The following STRADA variants were observed in gnomAD, a reference collection of about 807,000 sequenced individuals.
The protein encoded by STRADA is STE20-related kinase adapter protein alpha.
In STRADA, 26 loss-of-function variants were observed where a neutral mutation model predicts 55.0. That is an observed-to-expected ratio of 0.47 (90% CI 0.35 to 0.66). The LOEUF (loss-of-function observed/expected upper bound fraction) is 0.66, where lower values mean the gene tolerates loss of function less well. STRADA is among the 30% of genes least tolerant of loss of function. STRADA has a pLI of 0.01. For missense variants in STRADA, 443 were observed against 549.7 expected (o/e 0.81, Z 1.94); for synonymous variants, 197 against 210.9 (o/e 0.93, Z 0.57).
intron 1 of STRADA, among the ~76,000 whole-genome samples, chr17:63,735,582 C>T (rs2038363855): frequency 6.6e-6 from 1 of 152,150 alleles, no homozygotes; most frequent in South Asian, 2.1e-4. Context: ...TAGAATCTCA[C>T]CTCTCTCCCA....
At position 63,731,485 on chromosome 17, in the gene STRADA, C is replaced by T. The variant is rs142372019; in HGVS notation, c.-44-3072G>A. On this transcript the variant is annotated intron_variant, in intron 1 of 12. Coordinates refer to ENST00000336174, the MANE Select transcript of STRADA (RefSeq NM_001003787.4). The stretch of plus-strand genomic sequence containing the variant: ...TTCACCATGTTGGCCAAGATGATCT[C>T]GATCTCCTGACCTCGTGATCCGTCC... Among the ~76,000 whole-genome samples, 1,123 of 151,702 alleles carry T rather than the reference C, an allele frequency of 7.4e-3. 16 individuals carry two copies. Among genetic ancestry groups the T allele is most frequent in the African/African-American group, 0.025 (1,020 of 41,338 alleles).
intron 11 of STRADA, 96 bp downstream of exon 11, chr17:63,704,245 C>T: frequency 3.2e-6 from 5 of 1,562,286 alleles, no homozygotes; most frequent in Non-Finnish European, 4.3e-6. Flanking sequence ...GATTCCCCTG[C>T]AGAACCTTTG....
At chr17:63,737,760 A>G (rs996060355) in intron 1 of STRADA, among the ~76,000 whole-genome samples, 16 of 152,318 alleles carry the variant, frequency 1.1e-4, no homozygotes, top group African/African-American at 3.8e-4. Context: ...CTGTGTTCCC[A>G]GCACTTTGGG....
chr17:63,741,151 T>C (rs969172542), intron 1 of STRADA: 1 of 152,130 alleles, frequency 6.6e-6, no homozygotes, highest in African/African-American at 2.4e-5. Flanking sequence ...CTGAGAACTA[T>C]GAACAATTTT....
Position 63,740,135 on chromosome 17 carries a change from CATATATATAT to C in STRADA, c.-45+1596_-45+1605del, listed in dbSNP as rs1228869564. ...ATACATACATATATATATACACATACATATATATATATACACACACACACACACACACACA... is the reference window on the plus strand; with the variant it reads ...ATACATACATATATATATACACATACATACACACACACACACACACACACA... On this transcript the variant is annotated intron_variant, in intron 1 of 12. Coordinates refer to ENST00000336174, the MANE Select transcript of STRADA (RefSeq NM_001003787.4). Among the ~76,000 whole-genome samples, 108 of 54,222 alleles carry C rather than the reference CATATATATAT, an allele frequency of 2.0e-3. 2 individuals carry two copies. The highest frequency in any genetic ancestry group is 7.6e-3 in the African/African-American group (95 of 12,504). 35.6% of individuals were successfully genotyped at this position (54,222 alleles called of 152,430 possible). A position where few individuals can be genotyped will look rare whatever the true frequency, so the allele number is the denominator to read the frequency against.
At chr17:63,739,374 T>A (rs977499217) in intron 1 of STRADA, among the ~76,000 whole-genome samples, 11 of 152,158 alleles carry the variant, frequency 7.2e-5, no homozygotes, top group Admixed American at 5.2e-4. Context: ...TATTTTCAGA[T>A]TGAATCATGT....
chr17:63,735,911 A>G (rs1043601146), intron 1 of STRADA, among the ~76,000 whole-genome samples: 2 of 152,122 alleles, frequency 1.3e-5, no homozygotes, highest in Admixed American at 1.3e-4. Context: ...TCTTAAATCC[A>G]CAGAGCTCCC....
At chr17:63,738,566 AAATT>A (rs1358691361) in intron 1 of STRADA, among the ~76,000 whole-genome samples, 2 of 152,072 alleles carry the variant, frequency 1.3e-5, no homozygotes, top group African/African-American at 2.4e-5. Context: ...AAAAATGATT[AAATT>A]AATTGAGGCC....
At chr17:63,713,829 G>C (rs1278200748) in intron 5 of STRADA, among the ~76,000 whole-genome samples, 177 bp downstream of exon 5, 2 of 152,074 alleles carry the variant, frequency 1.3e-5, no homozygotes, top group Non-Finnish European at 2.9e-5. Flanking sequence ...CTGGAAGTTT[G>C]ATCTCTTCCC....
intron 1 of STRADA, among the ~76,000 whole-genome samples, chr17:63,729,551 G>A (rs1355235428): frequency 1.3e-5 from 2 of 152,118 alleles, no homozygotes; most frequent in African/African-American, 2.4e-5. Context: ...TTGGGAGGCT[G>A]AGGTGGGTGG....
chr17:63,707,067 C>T lies in STRADA; in HGVS notation c.753+180G>A, dbSNP rs183083135. 5.6e-3 allele frequency among the ~76,000 whole-genome samples: 847 copies of T among 152,274 alleles called. 7 individuals are homozygous for T. The highest frequency in any genetic ancestry group is 0.019 in the African/African-American group (798 of 41,554). ...TTTCATCCAATAGAGGTTAGGACCC[C>T]CTGGGAGGAACCACATCCATCTGCA... On this transcript the variant is annotated intron_variant, in intron 9 of 12. Coordinates refer to ENST00000336174, the MANE Select transcript of STRADA (RefSeq NM_001003787.4).
rs750255190 is a variant in STRADA at position 63,710,492 on chromosome 17, T to G, written c.580A>C (p.Arg194=). The part of the protein sequence containing the change: ...DYIHHMGYVH[R]SVKASHILIS... ...GGGAAAGGCCGCCTAAGAACGCACC[T>G]GTGTACATATCCCATGTGGTGGATG... Residue 194 remains arginine (R), a splice_region_variant and synonymous_variant, in exon 8 of 13, where the codon AGG becomes CGG. Transcript: ENST00000336174. 3.1e-6 allele frequency: 5 copies of G among 1,613,442 alleles called. No homozygotes were observed. The highest frequency in any genetic ancestry group is 3.4e-6 in the Non-Finnish European group (4 of 1,179,880).
At chr17:63,733,924 G>A (rs2038242259) in intron 1 of STRADA, among the ~76,000 whole-genome samples, 1 of 152,122 alleles carries the variant, frequency 6.6e-6, no homozygotes, top group Non-Finnish European at 1.5e-5. Flanking sequence ...GTTTGCTCCT[G>A]GTTTCCCCCA....
chr17:63,736,933 CAAACTT>C (rs1176670162), intron 1 of STRADA, among the ~76,000 whole-genome samples: 1 of 138,488 alleles, frequency 7.2e-6, no homozygotes, highest in Non-Finnish European at 1.5e-5. Context: ...GAATTTGAAA[CAAACTT>C]AAATGTGTTA....
At chr17:63,722,543 A>G (rs2144078639) in intron 4 of STRADA, among the ~76,000 whole-genome samples, 1 of 152,362 alleles carries the variant, frequency 6.6e-6, no homozygotes, top group Middle Eastern at 3.4e-3. Flanking sequence ...ACATAAGCAC[A>G]GCCAAAGCTT....
In STRADA at chr17:63,713,465, C is replaced by T. The variant is rs762644008; in HGVS notation, c.289G>A (p.Val97Met). ...TCTAGGTTAATCCTCCGTACAGTCACGTACTCTCCTGTTGGTTTGTACCTT... is the reference window on the plus strand; with the variant it reads ...TCTAGGTTAATCCTCCGTACAGTCATGTACTCTCCTGTTGGTTTGTACCTT... ...LARYKPTGEYVTVRRINLEAC... is the reference protein window; with the variant it reads ...LARYKPTGEYMTVRRINLEAC... The change falls in exon 6 of 13, where the codon GTG becomes ATG. Residue 97 changes from valine (V) to methionine (M), a missense_variant. Coordinates refer to ENST00000336174, the MANE Select transcript of STRADA (RefSeq NM_001003787.4). 5 of 1,614,166 alleles carry T rather than the reference C, an allele frequency of 3.1e-6. No individual in the cohort carries two copies. Among genetic ancestry groups the T allele is most frequent in the East Asian group, 2.2e-5 (1 of 44,884 alleles).
chr17:63,739,795 ATAATTATATG>A (rs372813644), intron 1 of STRADA, among the ~76,000 whole-genome samples: 31,208 of 72,110 alleles, frequency 0.43, 4,662 homozygotes, highest in South Asian at 0.58. Context: ...TATAATGTAC[ATAATTATATG>A]TATATACATA....
At chr17:63,709,891 A>T (rs1266241173) in intron 8 of STRADA, among the ~76,000 whole-genome samples, 1 of 152,154 alleles carries the variant, frequency 6.6e-6, no homozygotes, top group Non-Finnish European at 1.5e-5. Context: ...AGTGGAGTAC[A>T]AAGGTCCACA....
Position 63,707,315 on chromosome 17 carries a change from C to A in STRADA, c.685G>T (p.Val229Leu), listed in dbSNP as rs1385406846. The A allele has an allele frequency of 6.2e-7, 1 of 1,614,114 alleles. No homozygotes were observed. Among genetic ancestry groups the A allele is most frequent in the African/African-American group, 1.3e-5 (1 of 74,940 alleles). The part of the protein sequence containing the change: ...SMISHGQRQR[V>L]VHDFPKYSVK... ...CTGTACTTGGGAAAATCGTGGACCA[C>A]TCGCTGCCGCTGCCCATGGCTTATC... The change falls in exon 9 of 13, where the codon GTG becomes TTG. Residue 229 changes from valine to leucine, a missense_variant. Transcript: ENST00000336174.
Sources: allele counts gnomAD v4.1 joint callset (sites outside exome capture counted in the v4.1 genomes callset), GRCh38; gene constraint gnomAD v4.1.1; transcripts MANE v1.5; gene names NCBI Gene and HGNC (gene_info 2026-07-23, HGNC 2026-07-21).